Variants in WDR44 observed in about 807,000 individuals in gnomAD.
WDR44 encodes WD repeat domain 44.
A neutral mutation model predicts 65.7 loss-of-function variants in WDR44; 9 were observed. The observed-to-expected ratio is 0.14, with a 90% CI of 0.08 to 0.24. The LOEUF is 0.24. Ranked by LOEUF, WDR44 falls within the 10% of genes least tolerant of loss-of-function variation. The pLI is 1.00. For synonymous variants in WDR44, 220 were observed against 235.2 expected (o/e 0.94, Z 0.59); for missense variants, 425 against 670.9 (o/e 0.63, Z 4.05).
intron 1 of WDR44, among the ~76,000 whole-genome samples, chrX:118,358,848 G>T (rs1042768577): frequency 8.9e-6 from 1 of 111,971 alleles, no homozygotes; most frequent in Non-Finnish European, 1.9e-5. Context: ...CGAGGCAGGT[G>T]GATCGCTTGA....
At chrX:118,411,628 C>T (rs1252756156) in intron 12 of WDR44, among the ~76,000 whole-genome samples, 12 of 111,821 alleles carry the variant, frequency 1.1e-4, no homozygotes, top group Non-Finnish European at 1.5e-4. Context: ...CCTTTGTTCT[C>T]TTATACTCCC....
At chrX:118,448,238 A>G (rs1036408291) in intron 19 of WDR44, among the ~76,000 whole-genome samples, 1 of 111,352 alleles carries the variant, frequency 9.0e-6, no homozygotes, top group African/African-American at 3.3e-5. Context: ...TTAAATCTCA[A>G]ATTAAAATCT....
At chrX:118,378,540 G>A (rs2056682489) in intron 2 of WDR44, 88 bp downstream of exon 2, 1 of 982,355 alleles carries the variant, frequency 1.0e-6, no homozygotes, top group East Asian at 3.1e-5. Context: ...TCTTGCTTTT[G>A]CTTTTTTTTA....
At chrX:118,356,962 G>A (rs1160542274) in intron 1 of WDR44, among the ~76,000 whole-genome samples, 1 of 106,420 alleles carries the variant, frequency 9.4e-6, no homozygotes, top group African/African-American at 3.4e-5. Context: ...TCTTGCCTCA[G>A]CCTCCGGAGT....
At chrX:118,410,814 T>C (rs1160646481) in intron 11 of WDR44, 81 bp from the exon 12 acceptor site, 1 of 766,431 alleles carries the variant, frequency 1.3e-6, no homozygotes, top group East Asian at 3.4e-5. Flanking sequence ...CATTGCTGTG[T>C]CATTACTTCT....
chrX:118,427,090 A>G (rs2057163517), intron 12 of WDR44, among the ~76,000 whole-genome samples: 1 of 111,444 alleles, frequency 9.0e-6, no homozygotes, highest in Admixed American at 9.6e-5. Context: ...AATTTTGACT[A>G]AAAAGTACCT....
chrX:118,445,793 A>G (rs917851712), intron 19 of WDR44, among the ~76,000 whole-genome samples: 5 of 111,537 alleles, frequency 4.5e-5, no homozygotes, highest in African/African-American at 9.8e-5. Context: ...ACTTTGGGAG[A>G]CCAAGGCAGG....
intron 1 of WDR44, among the ~76,000 whole-genome samples, chrX:118,368,483 T>TATATATATATATACC (rs1569359132): frequency 1.1e-5 from 1 of 87,666 alleles, no homozygotes; most frequent in Admixed American, 1.4e-4. Context: ...ATATATATAC[T>TATATATATATATACC]TCTTGAGGAC....
chrX:118,375,204 T>C (rs1375792893), intron 1 of WDR44, among the ~76,000 whole-genome samples: 1 of 111,270 alleles, frequency 9.0e-6, no homozygotes, highest in Non-Finnish European at 1.9e-5. Flanking sequence ...ATTTTGTTTT[T>C]TGACAGCTAA....
At chrX:118,368,534 G>A (rs1176085386) in intron 1 of WDR44, among the ~76,000 whole-genome samples, 3 of 94,882 alleles carry the variant, frequency 3.2e-5, no homozygotes, top group African/African-American at 1.3e-4. Flanking sequence ...CCTTGTCTTG[G>A]CTGATACATG....
At chrX:118,443,012 C>T (rs1018071862) in intron 17 of WDR44, among the ~76,000 whole-genome samples, 1 of 111,101 alleles carries the variant, frequency 9.0e-6, no homozygotes. Flanking sequence ...GCTCATCCCG[C>T]CACTCCCCTC....
chrX:118,407,498 G>A (rs1301602550), intron 10 of WDR44, among the ~76,000 whole-genome samples: 9 of 83,217 alleles, frequency 1.1e-4, no homozygotes, highest in South Asian at 5.9e-4. Flanking sequence ...AAAAAACTCC[G>A]TCTCAAAAAA....
intron 1 of WDR44, among the ~76,000 whole-genome samples, chrX:118,375,002 T>C (rs763062713): frequency 1.8e-5 from 2 of 111,800 alleles, no homozygotes; most frequent in East Asian, 5.6e-4. Flanking sequence ...AATAAATTAC[T>C]CTGTATAGTT....
intron 11 of WDR44, 112 bp from the exon 12 acceptor site, chrX:118,410,783 C>T (rs5956977): frequency 0.23 from 137,172 of 604,448 alleles, 11,761 homozygotes; most frequent in African/African-American, 0.39. Context: ...TTCTAGAATA[C>T]TGTATTCTCT....
At chrX:118,367,165 T>A (rs1367901491) in intron 1 of WDR44, among the ~76,000 whole-genome samples, 2 of 112,288 alleles carry the variant, frequency 1.8e-5, no homozygotes, top group Non-Finnish European at 3.8e-5. Context: ...AGTACTGATA[T>A]TTTTATCATT....
intron 17 of WDR44, 136 bp downstream of exon 17, chrX:118,442,816 G>A: frequency 4.2e-6 from 2 of 472,984 alleles, no homozygotes; most frequent in Non-Finnish European, 7.4e-6. Flanking sequence ...CATGCAATAC[G>A]TACCTTGTCC....
chrX:118,436,875 A>G, intron 14 of WDR44, 51 bp downstream of exon 14: 1 of 1,087,718 alleles, frequency 9.2e-7, no homozygotes, highest in Non-Finnish European at 1.2e-6. Flanking sequence ...AAGGTGAGAG[A>G]ACCTGATTTC....
chrX:118,370,549 T>C (rs2056605591), intron 1 of WDR44, among the ~76,000 whole-genome samples: 1 of 110,697 alleles, frequency 9.0e-6, no homozygotes, highest in African/African-American at 3.3e-5. Context: ...GTACCATTCT[T>C]CTTGTACAGC....
chrX:118,444,222 TAGAAAAA>T, intron 18 of WDR44, 131 bp from the exon 19 acceptor site: 1 of 662,505 alleles, frequency 1.5e-6, no homozygotes, highest in Non-Finnish European at 2.1e-6. Context: ...TGATTTTTTT[TAGAAAAA>T]TTTTTGGGTT....
Sources: gnomAD v4.1 joint callset for allele counts (sites outside exome capture counted in the v4.1 genomes callset) on GRCh38, gnomAD v4.1.1 for gene constraint, MANE v1.5 for transcripts, NCBI Gene and HGNC (gene_info 2026-07-23, HGNC 2026-07-21) for gene names.